The following CNTN5 variants were observed in gnomAD, a reference collection of about 807,000 sequenced individuals.
CNTN5 encodes the protein contactin 5.
CNTN5 carries 77 observed loss-of-function variants against 129.1 expected under a neutral mutation model. The observed-to-expected ratio is 0.60, with a 90% CI of 0.50 to 0.72. The LOEUF (loss-of-function observed/expected upper bound fraction) is 0.72. Ranked by LOEUF, CNTN5 falls within the 30% of genes least tolerant of loss-of-function variation. The pLI is 0.00. For missense variants in CNTN5, 1,478 were observed against 1,328.8 expected, an observed-to-expected ratio of 1.11 and a Z score of -1.75; for synonymous variants, 509 against 465.6, an observed-to-expected ratio of 1.09 and a Z score of -1.20.
intron 1 of CNTN5, among the ~76,000 whole-genome samples, chr11:99,027,048 T>C (rs1261403204): frequency 6.6e-6 from 1 of 151,580 alleles, no homozygotes; most frequent in Non-Finnish European, 1.5e-5. Context: ...ATGTGAACTT[T>C]TTCACAATGA....
intron 16 of CNTN5, among the ~76,000 whole-genome samples, chr11:100,247,891 C>T (rs944958010): frequency 4.6e-5 from 7 of 152,000 alleles, no homozygotes; most frequent in East Asian, 3.9e-4. Context: ...ATGAGTAAAC[C>T]GCATGATAAA....
At chr11:99,924,067 G>T (rs1298985228) in intron 7 of CNTN5, among the ~76,000 whole-genome samples, 2 of 152,160 alleles carry the variant, frequency 1.3e-5, no homozygotes, top group Non-Finnish European at 2.9e-5. Flanking sequence ...TGGGATTACA[G>T]ACGTGAGCCG....
chr11:100,035,601 T>A (rs1409495512), intron 9 of CNTN5, among the ~76,000 whole-genome samples: 2 of 141,908 alleles, frequency 1.4e-5, no homozygotes, highest in Non-Finnish European at 3.0e-5. Flanking sequence ...TGTAAAAGTG[T>A]TCCTATTTCT....
At chr11:99,975,678 T>A (rs940591785) in intron 8 of CNTN5, among the ~76,000 whole-genome samples, 5 of 151,848 alleles carry the variant, frequency 3.3e-5, no homozygotes, top group African/African-American at 1.2e-4. Flanking sequence ...ACCTTTGAAA[T>A]ATCAGATCTC....
At chr11:100,252,988 G>A (rs945816053) in intron 16 of CNTN5, among the ~76,000 whole-genome samples, 2 of 152,090 alleles carry the variant, frequency 1.3e-5, no homozygotes, top group Non-Finnish European at 2.9e-5. Context: ...TTAAGGAGGT[G>A]AAAAAATTGA....
At chr11:99,105,041 A>G (rs75573097) in intron 1 of CNTN5, among the ~76,000 whole-genome samples, 4,971 of 152,226 alleles carry the variant, frequency 0.033, 117 homozygotes, top group South Asian at 0.069. Flanking sequence ...GATCTGCTCT[A>G]TTCTCATTAG....
chr11:99,970,951 T>A (rs1371900652), intron 8 of CNTN5, among the ~76,000 whole-genome samples: 1 of 152,210 alleles, frequency 6.6e-6, no homozygotes, highest in African/African-American at 2.4e-5. Context: ...AGTACCCTCT[T>A]AACTCCTAGC....
chr11:99,859,244 T>C (rs1948133954), intron 6 of CNTN5, among the ~76,000 whole-genome samples: 1 of 152,252 alleles, frequency 6.6e-6, no homozygotes. Flanking sequence ...AAGGATCATA[T>C]ATCCTCTTTA....
At chr11:100,046,634 A>G (rs1027967214) in intron 9 of CNTN5, among the ~76,000 whole-genome samples, 1 of 152,170 alleles carries the variant, frequency 6.6e-6, no homozygotes, top group South Asian at 2.1e-4. Context: ...ATGTGTATAC[A>G]TATAAAACAT....
chr11:99,037,746 A>C (rs1863816161), intron 1 of CNTN5, among the ~76,000 whole-genome samples: 1 of 151,242 alleles, frequency 6.6e-6, no homozygotes, highest in African/African-American at 2.4e-5. Flanking sequence ...CGCACAGCTA[A>C]TTTTTGTATT....
At chr11:99,744,284 C>T (rs1481139068) in intron 3 of CNTN5, among the ~76,000 whole-genome samples, 2 of 151,986 alleles carry the variant, frequency 1.3e-5, no homozygotes, top group South Asian at 2.1e-4. Flanking sequence ...AAGAAAGTTA[C>T]TCTGATTTAC....
chr11:99,694,532 T>A (rs1954179846), intron 3 of CNTN5, among the ~76,000 whole-genome samples: 1 of 152,156 alleles, frequency 6.6e-6, no homozygotes. Context: ...TTTTTATTAT[T>A]ATTTCACTTT....
At chr11:99,663,863 C>T (rs584931) in intron 3 of CNTN5, among the ~76,000 whole-genome samples, 3 of 151,900 alleles carry the variant, frequency 2.0e-5, no homozygotes, top group Non-Finnish European at 4.4e-5. Flanking sequence ...TTTATAGCAG[C>T]GTGAGAAGGG....
rs1394070718 is a variant in CNTN5 at position 100,358,740 on chromosome 11, ACT to A, written c.*2521_*2522del. 1.3e-5 allele frequency: 2 copies of A among 151,894 alleles called. No individual in the cohort carries two copies. The highest frequency in any genetic ancestry group is 1.5e-5 in the Non-Finnish European group (1 of 67,866). The allele number at this position is 151,894 out of a possible 1,614,324, so 9.4% of individuals were successfully genotyped here. A position where few individuals can be genotyped will look rare whatever the true frequency, so the allele number is the denominator to read the frequency against. On this transcript the variant is annotated 3_prime_UTR_variant, in exon 25 of 25. Coordinates refer to ENST00000524871, the MANE Select transcript of CNTN5 (RefSeq NM_014361.4). ...GAAGGTACTGTGGACCCCATGTCAA[ACT>A]GTTAAATATATTGTGTACGATCTGT... is the stretch of plus-strand genomic sequence containing the variant.
intron 1 of CNTN5, among the ~76,000 whole-genome samples, chr11:99,242,860 C>T (rs1012090727): frequency 1.3e-5 from 2 of 151,974 alleles, no homozygotes; most frequent in Non-Finnish European, 2.9e-5. Context: ...GTATATGTAC[C>T]ATGTTTTCTT....
intron 1 of CNTN5, among the ~76,000 whole-genome samples, chr11:99,086,813 G>T (rs754555720): frequency 3.9e-4 from 59 of 152,082 alleles, no homozygotes; most frequent in Non-Finnish European, 6.8e-4. Context: ...GCTAAATAAT[G>T]GGGTTACAGT....
intron 21 of CNTN5, among the ~76,000 whole-genome samples, chr11:100,331,363 T>C (rs905009909): frequency 6.6e-6 from 1 of 152,060 alleles, no homozygotes; most frequent in South Asian, 2.1e-4. Context: ...AGGAATGAGA[T>C]ACATGACAAC....
At chr11:99,356,407 G>A (rs1460358114) in intron 2 of CNTN5, among the ~76,000 whole-genome samples, 1 of 152,176 alleles carries the variant, frequency 6.6e-6, no homozygotes, top group East Asian at 1.9e-4. Context: ...AAGAAAGTTG[G>A]CATGGAAAGG....
chr11:99,328,870 C>CAAAAAAAA (rs10542347), intron 2 of CNTN5, among the ~76,000 whole-genome samples: 1 of 87,652 alleles, frequency 1.1e-5, no homozygotes, highest in Non-Finnish European at 2.2e-5. Flanking sequence ...AACTCCATCT[C>CAAAAAAAA]AAAAAAAAAA....
Sources: allele counts gnomAD v4.1 joint callset (sites outside exome capture counted in the v4.1 genomes callset), GRCh38; gene constraint gnomAD v4.1.1; transcripts MANE v1.5; gene names NCBI Gene and HGNC (gene_info 2026-07-23, HGNC 2026-07-21).